The following FGD5 variants were observed in gnomAD, a reference collection of about 807,000 sequenced individuals.
FGD5 encodes the protein FYVE, RhoGEF and PH domain-containing protein 5.
Under a neutral mutation model 133.4 loss-of-function variants are expected in FGD5, and 28 were observed. The ratio of observed to expected loss-of-function variants is 0.21; its 90% CI spans 0.16 to 0.29. The LOEUF is 0.29. Among genes scored for constraint, FGD5 ranks in the 10% least tolerant of loss-of-function variants. The pLI is 1.00. For synonymous variants in FGD5, 810 were observed against 776.5 expected (o/e 1.04, Z -0.72); for missense variants, 1,858 against 1,895.2 (o/e 0.98, Z 0.36).
chr3:14,895,231 C>T (rs3886505), intron 4 of FGD5, among the ~76,000 whole-genome samples: 71,160 of 152,002 alleles, frequency 0.47, 17,561 homozygotes, highest in Non-Finnish European at 0.56. Flanking sequence ...TGTCTATTTT[C>T]GCTTTGATTG....
rs773546049 is a variant in FGD5 at position 14,897,925 on chromosome 3, A to T, written c.2910-14A>T. 14 of 1,613,672 alleles carry T rather than the reference A, an allele frequency of 8.7e-6. No individual in the cohort carries two copies. In the South Asian group the frequency reaches 8.8e-5, roughly 10 times the overall value. ...GCTGAGTTCTCACTGTCCCATCCCC[A>T]TTCCTGGCTGCAGGGAGAGCCAGCA... On this transcript the variant is annotated splice_polypyrimidine_tract_variant and intron_variant, in intron 5 of 19. Transcript: ENST00000285046.
At chr3:14,864,089 C>CA in intron 1 of FGD5, 39 bp from the exon 2 acceptor site, 3 of 1,595,722 alleles carry the variant, frequency 1.9e-6, no homozygotes, top group Non-Finnish European at 2.6e-6. Flanking sequence ...CTATGCTAAA[C>CA]AAAAAGCTTT....
intron 1 of FGD5, among the ~76,000 whole-genome samples, chr3:14,838,378 C>T (rs1434414445): frequency 6.6e-6 from 1 of 152,128 alleles, no homozygotes; most frequent in Admixed American, 6.5e-5. Flanking sequence ...ACCTTAAGTA[C>T]GTCTGCAAAG....
chr3:14,904,557 A>T (rs1180618725), intron 9 of FGD5, among the ~76,000 whole-genome samples: 1 of 151,864 alleles, frequency 6.6e-6, no homozygotes, highest in African/African-American at 2.4e-5. Flanking sequence ...TGGCAGTGCA[A>T]GGTGCTCCAG....
At chr3:14,812,542 C>G (rs1380027908) in intron 1 of FGD5, among the ~76,000 whole-genome samples, 5 of 152,176 alleles carry the variant, frequency 3.3e-5, no homozygotes, top group Non-Finnish European at 7.3e-5. Flanking sequence ...CGTTGTCGCT[C>G]TTGGGTTCAG....
chr3:14,859,573 A>AAAAGAAAG (rs58405808), intron 1 of FGD5, among the ~76,000 whole-genome samples: 18,160 of 151,612 alleles, frequency 0.12, 1,283 homozygotes, highest in East Asian at 0.24. Context: ...AAAAAATAAT[A>AAAAGAAAG]AAAGAAAGAA....
upstream of FGD5, among the ~76,000 whole-genome samples, chr3:14,816,878 C>T (rs1206638495): frequency 6.6e-6 from 1 of 152,122 alleles, no homozygotes; most frequent in Non-Finnish European, 1.5e-5. Context: ...CCTTTAAACC[C>T]ATTGGCACTG....
At position 14,821,231 on chromosome 3, in the gene FGD5, C is replaced by T. The variant is rs763954588; in HGVS notation, c.2160C>T (p.Ser720=). ...TGKLRASESP[S]SLIFYRDGKR... is the part of the protein sequence containing the mutation. ...AGCTCCGGGCTTCTGAATCCCCCTC[C>T]TCCCTCATCTTTTATAGAGATGGCA... Residue 720 remains serine (S), a synonymous_variant, in exon 1 of 20, where the codon TCC becomes TCT. Transcript: ENST00000285046. 2.5e-6 allele frequency: 4 copies of T among 1,613,938 alleles called. No individual in the cohort carries two copies. In the South Asian group the frequency reaches 3.3e-5, roughly 13 times the overall value.
At chr3:14,846,308 C>T (rs1403736221) in intron 1 of FGD5, among the ~76,000 whole-genome samples, 1 of 152,078 alleles carries the variant, frequency 6.6e-6, no homozygotes, top group Non-Finnish European at 1.5e-5. Flanking sequence ...CTCAGGGGCT[C>T]TATTTTTCAG....
rs1342023684 is a variant in FGD5, at chr3:14,819,369, G to A, written c.298G>A (p.Glu100Lys). 1.9e-6 allele frequency: 3 copies of A among 1,549,610 alleles called. No homozygotes were observed. The South Asian group carries it at 3.6e-5, about 19-fold the overall frequency. ...VSPESSAEEEEEREEGGEACG... is the reference protein window; with the variant it reads ...VSPESSAEEEKEREEGGEACG... The stretch of plus-strand genomic sequence containing the variant: ...TCCCGAGTCCTCTGCGGAAGAGGAA[G>A]AGGAGCGTGAAGAGGGAGGCGAGGC... Residue 100 changes from glutamate to lysine, a missense_variant, in exon 1 of 20, where the codon GAG becomes AAG. Around this residue, in one of 3 missense-constraint regions of FGD5, gnomAD observed 1,824 missense variants for 1,848.9 expected, o/e 0.99. Coordinates refer to ENST00000285046, the MANE Select transcript of FGD5 (RefSeq NM_152536.4). The surrounding 1 kb of genome is among the most constrained non-coding windows in gnomAD (Gnocchi z 4.1).
At chr3:14,872,117 C>G (rs1286192134) in intron 2 of FGD5, among the ~76,000 whole-genome samples, 1 of 152,214 alleles carries the variant, frequency 6.6e-6, no homozygotes, top group Admixed American at 6.5e-5. Flanking sequence ...ACTTGTGGTG[C>G]CCTCGGCTCT....
upstream of FGD5, among the ~76,000 whole-genome samples, chr3:14,815,697 G>A (rs1006917794): frequency 7.2e-5 from 11 of 152,308 alleles, no homozygotes; most frequent in East Asian, 5.8e-4. Context: ...TCTGGTCACC[G>A]TGGCCTTAGT....
chr3:14,812,006 G>A (rs2036302013), intron 1 of FGD5, among the ~76,000 whole-genome samples: 2 of 70,514 alleles, frequency 2.8e-5, no homozygotes, highest in African/African-American at 1.5e-4. Context: ...CTGCTGGTGT[G>A]TGTGTGTGTG....
In FGD5 at chr3:14,922,205, C is replaced by T. The variant is rs2038697025; in HGVS notation, c.3669+188C>T. On this transcript the variant is annotated intron_variant, in intron 14 of 19. Coordinates refer to ENST00000285046, the MANE Select transcript of FGD5 (RefSeq NM_152536.4). The surrounding 1 kb of genome is among the most constrained non-coding windows in gnomAD (Gnocchi z 4.1). Reference sequence around the variant, plus strand: ...GCCTCCGTGTAACCTAGGAGCCCAGCACCCACAGTCTTGTTCTCACAGTCT... The same window carrying T: ...GCCTCCGTGTAACCTAGGAGCCCAGTACCCACAGTCTTGTTCTCACAGTCT... 2.1e-6 allele frequency: 2 copies of T among 974,922 alleles called. No homozygotes were observed. The highest frequency in any genetic ancestry group is 2.6e-5 in the East Asian group (1 of 38,142). 60.4% of individuals were successfully genotyped at this position (974,922 alleles called of 1,614,324 possible).
chr3:14,860,809 A>T lies in FGD5; in HGVS notation c.2526-3319A>T, dbSNP rs914964377. 5.9e-5 allele frequency among the ~76,000 whole-genome samples: 5 copies of T among 84,232 alleles called. No homozygotes were observed. The Admixed American group carries it at 7.4e-4, about 12-fold the overall frequency. The allele number at this position is 84,232 out of a possible 152,430, so 55.3% of individuals were successfully genotyped here. A position where few individuals can be genotyped will look rare whatever the true frequency, so the allele number is the denominator to read the frequency against. ...GCCAACATAGTGAGACCCCTTTTTT[A>T]AAAAAAAAAAATTTAAAAATTAGCT... is the stretch of plus-strand genomic sequence containing the variant. On this transcript the variant is annotated intron_variant, in intron 1 of 19. Transcript: ENST00000285046.
rs116037484 is a variant in FGD5, at chr3:14,813,923, G to A, written c.13+3058G>A. Reference sequence around the variant, plus strand: ...AGAGAGAAAATATAAACTGGTGCCAGGGGGCTGGCTGGGGATGATTTCTAT... The same window carrying A: ...AGAGAGAAAATATAAACTGGTGCCAAGGGGCTGGCTGGGGATGATTTCTAT... On this transcript the variant is annotated intron_variant, in intron 1 of 1. Transcript: ENST00000640506. Among the ~76,000 whole-genome samples, 180 of 152,326 alleles carry A rather than the reference G, an allele frequency of 1.2e-3. 1 individual carries two copies. The highest frequency in any genetic ancestry group is 4.2e-3 in the African/African-American group (174 of 41,576).
intron 18 of FGD5, among the ~76,000 whole-genome samples, chr3:14,927,396 A>C (rs2038824202): frequency 6.6e-6 from 1 of 152,136 alleles, no homozygotes; most frequent in African/African-American, 2.4e-5. Context: ...GAGGCTGAGG[A>C]TCTCTTGAGG....
intron 10 of FGD5, among the ~76,000 whole-genome samples, chr3:14,909,443 G>A (rs964944366): frequency 2.6e-5 from 4 of 152,188 alleles, no homozygotes; most frequent in Admixed American, 6.5e-5. Context: ...AAAAAAGAAG[G>A]TCAAACAGGG....
intron 4 of FGD5, among the ~76,000 whole-genome samples, chr3:14,882,697 GAAA>G: frequency 8.1e-6 from 1 of 123,570 alleles, no homozygotes; most frequent in African/African-American, 3.0e-5. Context: ...GACTCTGTCT[GAAA>G]AAAAAAAAAA....
Sources: gnomAD v4.1 joint callset for allele counts (sites outside exome capture counted in the v4.1 genomes callset) on GRCh38, gnomAD v4.1.1 for gene constraint, gnomAD v4.1.1 regional missense constraint, Gnocchi (gnomAD v3.1) non-coding constraint, MANE v1.5 for transcripts, NCBI Gene and HGNC (gene_info 2026-07-23, HGNC 2026-07-21) for gene names.